Variants in HLA-DOA observed in about 807,000 individuals in gnomAD.
The protein encoded by HLA-DOA is major histocompatibility complex, class II, DO alpha, also known as HLA class II histocompatibility antigen, DO alpha chain.
In HLA-DOA, 27 loss-of-function variants were observed where a neutral mutation model predicts 22.9. That is an observed-to-expected ratio of 1.18 (90% CI 0.87 to 1.62). The LOEUF is 1.62. Ranked by LOEUF, HLA-DOA falls within the 40% of genes most tolerant of loss-of-function variation. HLA-DOA has a pLI of 0.00. For missense variants in HLA-DOA, 324 were observed against 332.4 expected, an observed-to-expected ratio of 0.97 and a Z score of 0.20; for synonymous variants, 137 against 138.6, an observed-to-expected ratio of 0.99 and a Z score of 0.08.
At chr6:33,008,610 A>G (rs1167688267) in intron 1 of HLA-DOA, among the ~76,000 whole-genome samples, 2 of 151,932 alleles carry the variant, frequency 1.3e-5, no homozygotes, top group Non-Finnish European at 2.9e-5. Context: ...AGCTGGTGGG[A>G]CTGTGGGGGT....
Position 33,007,068 on chromosome 6 carries a change from G to C in HLA-DOA, c.749+12C>G. ...TCCTCCCCCACCCCCCAGACTCCCG[G>C]GGCCTCTGCACCTGGGGACACTGGA... On this transcript the variant is annotated intron_variant, in intron 4 of 4. Transcript: ENST00000229829. 1 of 1,604,210 alleles carries C rather than the reference G, an allele frequency of 6.2e-7. No homozygotes were observed. The highest frequency in any genetic ancestry group is 8.5e-7 in the Non-Finnish European group (1 of 1,174,808).
At chr6:33,007,913 G>A (rs1163880309) in intron 2 of HLA-DOA, 100 bp downstream of exon 2, 3 of 1,444,442 alleles carry the variant, frequency 2.1e-6, no homozygotes, top group African/African-American at 2.8e-5. Context: ...ACAGGCGCGG[G>A]CGCTGAGAGC....
At chr6:33,007,925 C>T (rs900938934) in intron 2 of HLA-DOA, 88 bp downstream of exon 2, 4 of 1,496,082 alleles carry the variant, frequency 2.7e-6, no homozygotes, top group Admixed American at 2.0e-5. Context: ...GCTGAGAGCG[C>T]GCCCCAGAGT....
Position 33,008,162 on chromosome 6 carries a change from T to G in HLA-DOA, c.182A>C (p.Asp61Ala), listed in dbSNP as rs1421463312. ...CCACACGGCCTCGCTTTTCTTCAGGTCCACAGAGAACAGCTGTTCCTCATC... is the reference window on the plus strand; with the variant it reads ...CCACACGGCCTCGCTTTTCTTCAGGGCCACAGAGAACAGCTGTTCCTCATC... ...EFDEEQLFSV[D>A]LKKSEAVWRL... The change falls in exon 2 of 5, where the codon GAC becomes GCC. Residue 61 changes from aspartate (D) to alanine (A), a missense_variant. By Grantham distance (126) the Asp-to-Ala change is moderately radical. Transcript: ENST00000229829. The G allele has an allele frequency of 1.2e-6, 2 of 1,613,064 alleles. No individual in the cohort carries two copies.
chr6:33,009,430 G>T lies in HLA-DOA; in HGVS notation c.82+25C>A. On this transcript the variant is annotated intron_variant, in intron 1 of 4. Transcript: ENST00000229829. This position sits in a 1 kb window ranked among gnomAD's most constrained non-coding sequence, Gnocchi z 4.8. ...ACTCCGTAAATCTCTGCTCCCCGCCGCACCCTCCTCGCCCTCGCACTCACC... is the reference window on the plus strand; with the variant it reads ...ACTCCGTAAATCTCTGCTCCCCGCCTCACCCTCCTCGCCCTCGCACTCACC... 1 of 1,531,444 alleles carries T rather than the reference G, an allele frequency of 6.5e-7. No homozygotes were observed. Among genetic ancestry groups the T allele is most frequent in the Non-Finnish European group, 8.8e-7 (1 of 1,133,834 alleles). The allele number at this position is 1,531,444 out of a possible 1,614,324, so 94.9% of individuals were successfully genotyped here. A position where few individuals can be genotyped will look rare whatever the true frequency, so the allele number is the denominator to read the frequency against.
At chr6:33,008,654 A>T (rs41482650) in intron 1 of HLA-DOA, among the ~76,000 whole-genome samples, 3 of 152,146 alleles carry the variant, frequency 2.0e-5, no homozygotes. Flanking sequence ...ACAGGAGAGT[A>T]TGGAGCTTTG....
chr6:33,006,157 G>A lies in HLA-DOA; in HGVS notation c.*681C>T, dbSNP rs1375704126. 6.6e-6 allele frequency: 1 copy of A among 152,416 alleles called. No individual in the cohort carries two copies. The highest frequency in any genetic ancestry group is 1.5e-5 in the Non-Finnish European group (1 of 68,274). The allele number at this position is 152,416 out of a possible 1,614,324, so 9.4% of individuals were successfully genotyped here. A position where few individuals can be genotyped will look rare whatever the true frequency, so the allele number is the denominator to read the frequency against. Reference sequence around the variant, plus strand: ...ATGACTGACTCCACTGAGGGAAGTGGCCACCTTATCCAAGCCTTGGGCCTC... The same window carrying A: ...ATGACTGACTCCACTGAGGGAAGTGACCACCTTATCCAAGCCTTGGGCCTC... On this transcript the variant is annotated 3_prime_UTR_variant, in exon 5 of 5. Coordinates refer to ENST00000229829, the MANE Select transcript of HLA-DOA (RefSeq NM_002119.4).
intron 2 of HLA-DOA, 67 bp downstream of exon 2, chr6:33,007,946 T>C: frequency 6.5e-7 from 1 of 1,548,154 alleles, no homozygotes; most frequent in Non-Finnish European, 8.7e-7. Context: ...GATGGGAGCC[T>C]AGGAACTGGG....
chr6:33,009,486 G>A lies in HLA-DOA; in HGVS notation c.51C>T (p.Leu17=). 6.2e-7 allele frequency: 1 copy of A among 1,606,200 alleles called. No individual in the cohort carries two copies. Among genetic ancestry groups the A allele is most frequent in the South Asian group, 1.1e-5 (1 of 89,698 alleles). ...TGGCCCCTGCCTCCTGCGGGCTCAG[G>A]AGGGTCATCAGGGTGTGGAACCCCA... ...LVLGFHTLMT[L]LSPQEAGATK... The change falls in exon 1 of 5, where the codon CTC becomes CTT. Residue 17 remains leucine, a synonymous_variant. Transcript: ENST00000229829. The surrounding 1 kb of genome is among the most constrained non-coding windows in gnomAD (Gnocchi z 4.8).
At chr6:33,008,819 T>C (rs1780938752) in intron 1 of HLA-DOA, among the ~76,000 whole-genome samples, 1 of 152,174 alleles carries the variant, frequency 6.6e-6, no homozygotes. Flanking sequence ...TCAAGGTTCA[T>C]GTCCCAATTC....
intron 1 of HLA-DOA, 34 bp from the exon 2 acceptor site, chr6:33,008,295 A>G (rs1780919061): frequency 6.3e-7 from 1 of 1,597,312 alleles, no homozygotes; most frequent in Non-Finnish European, 8.5e-7. Context: ...AAGGAGAGAG[A>G]AAAAAATGTG....
chr6:33,008,294 G>T (rs1562013532), intron 1 of HLA-DOA, 33 bp from the exon 2 acceptor site: 2 of 1,596,670 alleles, frequency 1.3e-6, no homozygotes, highest in Non-Finnish European at 1.7e-6. Context: ...CAAGGAGAGA[G>T]AAAAAAATGT....
chr6:33,007,141 C>A lies in HLA-DOA; in HGVS notation c.688G>T (p.Val230Leu). Residue 230 changes from valine (V) to leucine (L), a missense_variant, in exon 4 of 5, where the codon GTG becomes TTG. Coordinates refer to ENST00000229829, the MANE Select transcript of HLA-DOA (RefSeq NM_002119.4). ...VCALGLAIGLVGFLVGTVLII... is the reference protein window; with the variant it reads ...VCALGLAIGLLGFLVGTVLII... ...AGGACGGTGCCCACGAGGAAGCCCA[C>A]CAGGCCGATGGCCAGGCCCAGGGCA... 6.2e-7 allele frequency: 1 copy of A among 1,613,902 alleles called. No individual in the cohort carries two copies. Among genetic ancestry groups the A allele is most frequent in the Non-Finnish European group, 8.5e-7 (1 of 1,180,020 alleles).
At position 33,004,625 on chromosome 6, in the gene HLA-DOA, G is replaced by A. The variant is rs1002083573; in HGVS notation, c.*2213C>T. On this transcript the variant is annotated 3_prime_UTR_variant, in exon 5 of 5. Transcript: ENST00000229829. The stretch of plus-strand genomic sequence containing the variant: ...AGTCAGTCCACAGAGAGAGAACACC[G>A]CTAACATGCAGGGGGGTCTAGAGAA... 6.6e-6 allele frequency: 1 copy of A among 152,276 alleles called. No homozygotes were observed. The highest frequency in any genetic ancestry group is 1.5e-5 in the Non-Finnish European group (1 of 68,046). The allele number at this position is 152,276 out of a possible 1,614,324, so 9.4% of individuals were successfully genotyped here. A position where few individuals can be genotyped will look rare whatever the true frequency, so the allele number is the denominator to read the frequency against.
At position 33,008,046 on chromosome 6, in the gene HLA-DOA, C is replaced by G. The variant is rs776724070; in HGVS notation, c.298G>C (p.Val100Leu). The G allele has an allele frequency of 1.2e-6, 2 of 1,612,992 alleles. No individual in the cohort carries two copies. Among genetic ancestry groups the G allele is most frequent in the Non-Finnish European group, 1.7e-6 (2 of 1,180,014 alleles). ...AAIKAHLDIL[V>L]ERSNRSRAIN... ...GCTCTGCTGCGGTTGGAGCGCTCCACCAGGATGTCCAGATGGGCTTTGATT... is the reference window on the plus strand; with the variant it reads ...GCTCTGCTGCGGTTGGAGCGCTCCAGCAGGATGTCCAGATGGGCTTTGATT... The change falls in exon 2 of 5, where the codon GTG becomes CTG. Residue 100 changes from valine (V) to leucine (L), a missense_variant. Transcript: ENST00000229829.
In HLA-DOA at chr6:33,009,557, A is replaced by G. The variant is rs1317211559; in HGVS notation, c.-21T>C. 6.4e-7 allele frequency: 1 copy of G among 1,571,004 alleles called. No homozygotes were observed. Among genetic ancestry groups the G allele is most frequent in the Admixed American group, 1.8e-5 (1 of 55,950 alleles). ...GCCATTACACTCTGGTGCTTTAATC[A>G]AATCAGTCTCAGTCCGTGTGGTGAG... is the stretch of plus-strand genomic sequence containing the variant. On this transcript the variant is annotated 5_prime_UTR_variant, in exon 1 of 5. Coordinates refer to ENST00000229829, the MANE Select transcript of HLA-DOA (RefSeq NM_002119.4). This position sits in a 1 kb window ranked among gnomAD's most constrained non-coding sequence, Gnocchi z 4.8.
chr6:33,007,301 G>C lies in HLA-DOA; in HGVS notation c.613+10C>G. The C allele has an allele frequency of 6.2e-7, 1 of 1,613,036 alleles. No homozygotes were observed. The highest frequency in any genetic ancestry group is 8.5e-7 in the Non-Finnish European group (1 of 1,179,972). ...GGGCCAGGAGGGTGCATGGGGAGGGGGCTCCGTACCCCAATGCCTGAGGAG... is the reference window on the plus strand; with the variant it reads ...GGGCCAGGAGGGTGCATGGGGAGGGCGCTCCGTACCCCAATGCCTGAGGAG... On this transcript the variant is annotated intron_variant, in intron 3 of 4. Transcript: ENST00000229829.
rs916016859 is a variant in HLA-DOA, at chr6:33,008,249, C to A, written c.95G>T (p.Gly32Val). ...EAGATKADHMGSYGPAFYQSY... is the reference protein window; with the variant it reads ...EAGATKADHMVSYGPAFYQSY... The stretch of plus-strand genomic sequence containing the variant: ...CTGGTAGAAGGCGGGTCCGTAGGAG[C>A]CCATGTGGTCAGCTGTGTTTGGCGA... Residue 32 changes from glycine to valine, a missense_variant, in exon 2 of 5, where the codon GGC becomes GTC. Physicochemically the swap from Gly to Val is moderately radical, Grantham distance 109 (BLOSUM62 -3). Transcript: ENST00000229829. 3 of 1,612,658 alleles carry A rather than the reference C, an allele frequency of 1.9e-6. No individual in the cohort carries two copies. Among genetic ancestry groups the A allele is most frequent in the African/African-American group, 2.7e-5 (2 of 74,886 alleles).
chr6:33,006,458 A>C lies in HLA-DOA; in HGVS notation c.*380T>G. ...CACAAAGTAACACACAATGGGCCAAATGGAGCAAGACACACCTGTGTGGGC... is the reference window on the plus strand; with the variant it reads ...CACAAAGTAACACACAATGGGCCAACTGGAGCAAGACACACCTGTGTGGGC... On this transcript the variant is annotated 3_prime_UTR_variant, in exon 5 of 5. Transcript: ENST00000229829. 1 of 396,394 alleles carries C rather than the reference A, an allele frequency of 2.5e-6. No homozygotes were observed. Among genetic ancestry groups the C allele is most frequent in the South Asian group, 4.1e-5 (1 of 24,320 alleles). The allele number at this position is 396,394 out of a possible 1,614,324, so 24.6% of individuals were successfully genotyped here.
Sources: allele counts gnomAD v4.1 joint callset (sites outside exome capture counted in the v4.1 genomes callset), GRCh38; gene constraint gnomAD v4.1.1; non-coding constraint Gnocchi (gnomAD v3.1); transcripts MANE v1.5; gene names NCBI Gene and HGNC (gene_info 2026-07-23, HGNC 2026-07-21).